CADM2: variants seen among roughly 807,000 people sequenced by gnomAD.
The protein encoded by CADM2 is immunoglobulin superfamily member 4D.
In CADM2, 12 loss-of-function variants were observed where a neutral mutation model predicts 49.8. The observed-to-expected ratio is 0.24, with a 90% CI of 0.15 to 0.39. The LOEUF is 0.39. CADM2 is among the 10% of genes least tolerant of loss of function. The pLI is 1.00. For synonymous variants in CADM2, 214 were observed against 175.4 expected (o/e 1.22, Z -1.74); for missense variants, 378 against 492.3 (o/e 0.77, Z 2.20).
intron 1 of CADM2, among the ~76,000 whole-genome samples, chr3:85,487,737 T>C (rs1286512830): frequency 1.3e-5 from 2 of 150,642 alleles, no homozygotes; most frequent in East Asian, 1.9e-4. Context: ...TGTGTGTGTG[T>C]GCGTGTGTGC....
chr3:86,047,505 T>C (rs1736819004), intron 8 of CADM2, among the ~76,000 whole-genome samples: 1 of 152,196 alleles, frequency 6.6e-6, no homozygotes, highest in Admixed American at 6.5e-5. Context: ...GATTTAGTCA[T>C]GACCCTCTGG....
At chr3:85,769,337 GTATATACATATATACATATATAGTA>G (rs1559644122) in intron 2 of CADM2, among the ~76,000 whole-genome samples, 2 of 78,546 alleles carry the variant, frequency 2.5e-5, no homozygotes, top group African/African-American at 1.4e-4. Context: ...ATATATACAC[GTATATACATATATACATATATAGTA>G]TATATATACA....
At chr3:85,697,229 GA>G (rs1436492586) in intron 1 of CADM2, among the ~76,000 whole-genome samples, 1 of 151,528 alleles carries the variant, frequency 6.6e-6, no homozygotes, top group Non-Finnish European at 1.5e-5. Context: ...TAATTTTCTA[GA>G]TTCAGATTCT....
In CADM2 at chr3:85,811,020, G is replaced by A. The variant is rs544793962; in HGVS notation, c.238+8824G>A. Among the ~76,000 whole-genome samples, 7 of 152,168 alleles carry A rather than the reference G, an allele frequency of 4.6e-5. No individual in the cohort carries two copies. The South Asian group carries it at 1.5e-3, about 32-fold the overall frequency. The stretch of plus-strand genomic sequence containing the variant: ...AATGATAATATATGCTATAAATTTT[G>A]GCAGTTACATGAATAACAACATGTT... On this transcript the variant is annotated intron_variant, in intron 3 of 9. Coordinates refer to ENST00000383699, the MANE Select transcript of CADM2 (RefSeq NM_001167675.2).
At chr3:85,405,707 T>C (rs1338863947) in intron 1 of CADM2, among the ~76,000 whole-genome samples, 1 of 152,054 alleles carries the variant, frequency 6.6e-6, no homozygotes, top group Admixed American at 6.6e-5. Context: ...CTAGTTTTTT[T>C]TTAAATTTTA....
chr3:85,603,653 T>G (rs1486185439), intron 1 of CADM2, among the ~76,000 whole-genome samples: 3 of 151,936 alleles, frequency 2.0e-5, no homozygotes, highest in Non-Finnish European at 2.9e-5. Context: ...TTAGTTTTAT[T>G]AGTACCTTCT....
At position 85,210,359 on chromosome 3, in the gene CADM2, G is replaced by C. The variant is rs1263571943; in HGVS notation, c.61+250691G>C. 2.0e-5 allele frequency among the ~76,000 whole-genome samples: 3 copies of C among 152,150 alleles called. No homozygotes were observed. The South Asian group carries it at 6.2e-4, about 32-fold the overall frequency. On this transcript the variant is annotated intron_variant, in intron 1 of 9. Transcript: ENST00000383699. Reference sequence around the variant, plus strand: ...ATGATGAATATCTTTTTACTGGTTTGTTGAACACAATCAGCTAGCATTTTA... The same window carrying C: ...ATGATGAATATCTTTTTACTGGTTTCTTGAACACAATCAGCTAGCATTTTA...
intron 1 of CADM2, among the ~76,000 whole-genome samples, chr3:85,457,211 G>T (rs995301924): frequency 1.3e-5 from 2 of 152,056 alleles, no homozygotes; most frequent in Non-Finnish European, 2.9e-5. Context: ...CCAGGAGGTT[G>T]GTACCAGTCT....
At chr3:85,762,185 A>T (rs539960648) in intron 2 of CADM2, among the ~76,000 whole-genome samples, 1 of 152,130 alleles carries the variant, frequency 6.6e-6, no homozygotes, top group African/African-American at 2.4e-5. Context: ...CTTAAGGGAG[A>T]TAGGAGAGTT....
At chr3:86,065,826 A>C in intron 9 of CADM2, 96 bp downstream of exon 9, 1 of 1,182,132 alleles carries the variant, frequency 8.5e-7, no homozygotes, top group Non-Finnish European at 1.2e-6. Context: ...GTTTCTGTAC[A>C]TGTGTAGAAT....
chr3:85,918,356 A>G (rs1209190048), intron 6 of CADM2, among the ~76,000 whole-genome samples: 1 of 152,202 alleles, frequency 6.6e-6, no homozygotes, highest in Non-Finnish European at 1.5e-5. Context: ...GTGAGTTTTT[A>G]ACATGAAAGG....
intron 8 of CADM2, among the ~76,000 whole-genome samples, chr3:86,008,223 T>C (rs1731039861): frequency 6.6e-6 from 1 of 152,158 alleles, no homozygotes. Flanking sequence ...CTTTGTAGAC[T>C]GGGAATGAAA....
intron 1 of CADM2, among the ~76,000 whole-genome samples, chr3:85,218,013 T>C (rs1281145448): frequency 1.3e-5 from 2 of 152,128 alleles, no homozygotes; most frequent in Non-Finnish European, 2.9e-5. Flanking sequence ...TTTAAAAATA[T>C]TTTAATTAAA....
intron 1 of CADM2, among the ~76,000 whole-genome samples, chr3:84,969,525 CA>C (rs2031262968): frequency 6.7e-6 from 1 of 149,956 alleles, no homozygotes; most frequent in Non-Finnish European, 1.5e-5. Flanking sequence ...TTAATGTTTT[CA>C]TTCCACTGAT....
At chr3:85,997,355 A>G (rs1488774052) in intron 8 of CADM2, among the ~76,000 whole-genome samples, 3 of 152,182 alleles carry the variant, frequency 2.0e-5, no homozygotes, top group Non-Finnish European at 4.4e-5. Flanking sequence ...TTCATTCATA[A>G]TCTATAAGCT....
intron 1 of CADM2, among the ~76,000 whole-genome samples, chr3:85,601,580 A>G (rs2063407217): frequency 6.6e-6 from 1 of 151,580 alleles, no homozygotes; most frequent in Admixed American, 6.6e-5. Flanking sequence ...ATATTTGTAT[A>G]GAACAAAATC....
chr3:85,647,932 T>C (rs927608897), intron 1 of CADM2, among the ~76,000 whole-genome samples: 1 of 151,906 alleles, frequency 6.6e-6, no homozygotes, highest in South Asian at 2.1e-4. Context: ...TGATTAAGTC[T>C]CCTTTTATCA....
chr3:85,243,288 G>A (rs1271137522), intron 1 of CADM2, among the ~76,000 whole-genome samples: 2 of 151,718 alleles, frequency 1.3e-5, no homozygotes, highest in Non-Finnish European at 2.9e-5. Flanking sequence ...AGCATTCTAA[G>A]TATCGTTCAA....
At chr3:85,867,173 A>C (rs1481076759) in intron 3 of CADM2, among the ~76,000 whole-genome samples, 3 of 152,102 alleles carry the variant, frequency 2.0e-5, no homozygotes, top group African/African-American at 7.2e-5. Flanking sequence ...AAACGTAACA[A>C]CTGTATGTCT....
Sources: allele counts gnomAD v4.1 joint callset (sites outside exome capture counted in the v4.1 genomes callset), GRCh38; gene constraint gnomAD v4.1.1; transcripts MANE v1.5; gene names NCBI Gene and HGNC (gene_info 2026-07-23, HGNC 2026-07-21).